The following PLEKHA4 variants were observed in gnomAD, a reference collection of about 807,000 sequenced individuals.
PLEKHA4 encodes pleckstrin homology domain containing A4, also known as pleckstrin homology domain-containing family A member 4.
A neutral mutation model predicts 94.7 loss-of-function variants in PLEKHA4; 73 were observed. The ratio of observed to expected loss-of-function variants is 0.77; its 90% confidence interval spans 0.64 to 0.94. The LOEUF is 0.94. Among genes scored for constraint, PLEKHA4 ranks in the 40% least tolerant of loss-of-function variants. The pLI, the probability that PLEKHA4 is intolerant of heterozygous loss-of-function variation, is 0.00. For synonymous variants in PLEKHA4, 449 were observed against 437.1 expected, an observed-to-expected ratio of 1.03 and a Z score of -0.34; for missense variants, 1,049 against 1,054.1, an observed-to-expected ratio of 1.00 and a Z score of 0.07.
At chr19:48,841,652 TAAAC>T (rs888943727) in intron 16 of PLEKHA4, among the ~76,000 whole-genome samples, 4 of 151,332 alleles carry the variant, frequency 2.6e-5, no homozygotes, top group African/African-American at 7.3e-5. Flanking sequence ...ATATGTTGCT[TAAAC>T]AAGGAGAGAG....
At chr19:48,851,151 A>G (rs1014241585) in intron 13 of PLEKHA4, among the ~76,000 whole-genome samples, 5 of 152,052 alleles carry the variant, frequency 3.3e-5, no homozygotes, top group African/African-American at 9.7e-5. Flanking sequence ...AAATAAAAAT[A>G]AAAAATAAAA....
chr19:48,840,052 G>A (rs1355960744), intron 17 of PLEKHA4, among the ~76,000 whole-genome samples: 2 of 151,868 alleles, frequency 1.3e-5, no homozygotes, highest in Admixed American at 6.6e-5. Flanking sequence ...GGGTCGCAGT[G>A]AGTCGAGATT....
At position 48,857,453 on chromosome 19, in the gene PLEKHA4, G is replaced by A. The variant is rs375209983; in HGVS notation, c.1016C>T (p.Pro339Leu). 4 of 1,561,950 alleles carry A rather than the reference G, an allele frequency of 2.6e-6. No individual in the cohort carries two copies. In the South Asian group the frequency reaches 3.6e-5, roughly 14 times the overall value. ...SPTYLQLPPRPPGTRASMVLL... is the reference protein window; with the variant it reads ...SPTYLQLPPRLPGTRASMVLL... ...AACCATGGAGGCCCGGGTCCCAGGG[G>A]GCCGCGGGGGGAGCTGGAGATAAGT... The change falls in exon 9 of 20, where the codon CCC (proline) becomes CTC (leucine). Residue 339 changes from proline to leucine, a missense_variant. Transcript: ENST00000263265.
At chr19:48,841,726 GGGA>G (rs1272401196) in intron 16 of PLEKHA4, among the ~76,000 whole-genome samples, 1 of 151,974 alleles carries the variant, frequency 6.6e-6, no homozygotes, top group African/African-American at 2.4e-5. Context: ...AGGCTGAGGT[GGGA>G]GGATCACTTG....
chr19:48,860,160 G>A (rs2036579812), intron 6 of PLEKHA4, 190 bp downstream of exon 6: 2 of 596,784 alleles, frequency 3.4e-6, no homozygotes, highest in Non-Finnish European at 6.0e-6. Context: ...GGTGGTGGGC[G>A]GAACTTAAGG....
chr19:48,862,131 TAAG>T (rs916582702), intron 3 of PLEKHA4, among the ~76,000 whole-genome samples: 8 of 151,190 alleles, frequency 5.3e-5, no homozygotes, highest in African/African-American at 1.2e-4. Flanking sequence ...ATGGAGTGGA[TAAG>T]AAGGAGAGCT....
chr19:48,866,825 G>T (rs890394282), intron 2 of PLEKHA4, among the ~76,000 whole-genome samples: 1 of 152,164 alleles, frequency 6.6e-6, no homozygotes, highest in Non-Finnish European at 1.5e-5. Context: ...GTGAATCAAA[G>T]GATGCCCTGG....
chr19:48,865,539 G>C lies in PLEKHA4; in HGVS notation c.156C>G (p.Asn52Lys), dbSNP rs771597009. 1 of 1,613,940 alleles carries C rather than the reference G, an allele frequency of 6.2e-7. No homozygotes were observed. Among genetic ancestry groups the C allele is most frequent in the Non-Finnish European group, 8.5e-7 (1 of 1,180,002 alleles). ...KRGNALRRDP[N>K]LPVHIRGWLH... ...GCCAGCCTCGGATGTGCACGGGAAG[G>C]TTGGGATCCCTCCTGAGCGCATTGC... Residue 52 changes from asparagine (N) to lysine (K), a missense_variant, in exon 3 of 20, where the codon AAC becomes AAG. Asn to Lys is a moderately conservative substitution (Grantham distance 94, BLOSUM62 0). Coordinates refer to ENST00000263265, the MANE Select transcript of PLEKHA4 (RefSeq NM_020904.3).
rs1395606645 is a variant in PLEKHA4, at chr19:48,847,977, G to A, written c.1489C>T (p.Pro497Ser). ...TCAGTGTGTGGGGGCGGTTTCTGGG[G>A]GCCACCCAGACCTGCCAGCGTGTCT... The part of the protein sequence containing the change: ...VEDTLAGLGG[P>S]QKPPPHTEPD... Residue 497 changes from proline to serine, a missense_variant, in exon 14 of 20, where the codon CCC becomes TCC. Transcript: ENST00000263265. The A allele has an allele frequency of 6.2e-7, 1 of 1,613,292 alleles. No homozygotes were observed. The highest frequency in any genetic ancestry group is 1.3e-5 in the African/African-American group (1 of 74,886).
intron 16 of PLEKHA4, 27 bp from the exon 17 acceptor site, chr19:48,841,337 C>T (rs1429224476): frequency 6.3e-7 from 1 of 1,577,696 alleles, no homozygotes; most frequent in Non-Finnish European, 8.6e-7. Flanking sequence ...CGTCCCAAGA[C>T]CCAACCTTTA....
chr19:48,857,501 G>C lies in PLEKHA4; in HGVS notation c.973-5C>G, dbSNP rs754907773. ...AGTGGGGGAGCCAGAGTGTGCCTGG[G>C]AGGAACGTTGAAATGGAGATGTTTA... is the stretch of plus-strand genomic sequence containing the variant. On this transcript the variant is annotated splice_polypyrimidine_tract_variant and splice_region_variant and intron_variant, in intron 8 of 19. Transcript: ENST00000263265. The C allele has an allele frequency of 6.5e-7, 1 of 1,539,480 alleles. No homozygotes were observed. Among genetic ancestry groups the C allele is most frequent in the Non-Finnish European group, 8.9e-7 (1 of 1,127,736 alleles).
At position 48,859,059 on chromosome 19, in the gene PLEKHA4, G is replaced by T. The variant is rs1443034756; in HGVS notation, c.773C>A (p.Ala258Asp). The change falls in exon 8 of 20, where the codon GCC (alanine) becomes GAC (aspartate). Residue 258 changes from alanine to aspartate, a missense_variant. Physicochemically the swap from Ala to Asp is moderately radical, Grantham distance 126. Coordinates refer to ENST00000263265, the MANE Select transcript of PLEKHA4 (RefSeq NM_020904.3). Reference protein sequence around the residue: ...PRSAPARRPPAPSGDTAPPAR... With the variant: ...PRSAPARRPPDPSGDTAPPAR... ...AGGGGGTGCTGTGTCTCCTGAGGGG[G>T]CAGGGGGTCGCCGCGCAGGGGCAGA... 14 of 1,437,106 alleles carry T rather than the reference G, an allele frequency of 9.7e-6. No homozygotes were observed. The highest frequency in any genetic ancestry group is 1.3e-5 in the Non-Finnish European group (14 of 1,066,540). The allele number at this position is 1,437,106 out of a possible 1,614,324, so 89.0% of individuals were successfully genotyped here. A position where few individuals can be genotyped will look rare whatever the true frequency, so the allele number is the denominator to read the frequency against.
intron 14 of PLEKHA4, among the ~76,000 whole-genome samples, chr19:48,847,642 G>T (rs2036015327): frequency 1.3e-5 from 2 of 152,156 alleles, no homozygotes; most frequent in Non-Finnish European, 2.9e-5. Flanking sequence ...TGAGGCAGGA[G>T]AACCACTTGA....
At position 48,841,297 on chromosome 19, in the gene PLEKHA4, C is replaced by T. The variant is rs752370095; in HGVS notation, c.1757G>A (p.Arg586Gln). ...CTGCTCCTGGGCACTCATCCGGGGC[C>T]GGGCCACCGGGGCCTAGGGAGGCGA... ...PQLGTKAPVA[R>Q]PRMSAQEQLE... The change falls in exon 17 of 20, where the codon CGG becomes CAG. Residue 586 changes from arginine to glutamine, a missense_variant. By Grantham distance (43) the Arg-to-Gln change is conservative. Transcript: ENST00000263265. The T allele has an allele frequency of 1.5e-5, 24 of 1,609,908 alleles. No homozygotes were observed. The highest frequency in any genetic ancestry group is 1.9e-5 in the Non-Finnish European group (22 of 1,178,222).
At chr19:48,861,270 G>A (rs572741712) in intron 5 of PLEKHA4, 131 bp downstream of exon 5, 1 of 824,474 alleles carries the variant, frequency 1.2e-6, no homozygotes, top group African/African-American at 1.7e-5. Context: ...ATTGACGCTT[G>A]TCAAGACCTT....
intron 8 of PLEKHA4, 124 bp downstream of exon 8, chr19:48,858,736 A>C: frequency 9.0e-7 from 1 of 1,113,800 alleles, no homozygotes; most frequent in Non-Finnish European, 1.3e-6. Context: ...ACCTGAGCCC[A>C]GCTGAGATCA....
rs138081139 is a variant in PLEKHA4 at position 48,859,623 on chromosome 19, G to C, written c.538C>G (p.Pro180Ala). 6.2e-7 allele frequency: 1 copy of C among 1,612,980 alleles called. No individual in the cohort carries two copies. Among genetic ancestry groups the C allele is most frequent in the Admixed American group, 1.7e-5 (1 of 59,858 alleles). The part of the protein sequence containing the change: ...PGEGPGGPGG[P>A]PEVSRGEEGR... ...TCTTCCCCTCTGCTCACCTCCGGGG[G>C]ACCACCGGGGCCGCCGGGGCCCTCC... The change falls in exon 7 of 20, where the codon CCC becomes GCC. Residue 180 changes from proline to alanine, a missense_variant. Physicochemically the swap from Pro to Ala is conservative, Grantham distance 27. Coordinates refer to ENST00000263265, the MANE Select transcript of PLEKHA4 (RefSeq NM_020904.3).
intron 16 of PLEKHA4, chr19:48,844,464 G>A (rs905871214): frequency 1.0e-6 from 1 of 985,120 alleles, no homozygotes; most frequent in Non-Finnish European, 1.2e-6. Context: ...CCCAAGAAGT[G>A]CTTTTAAATC....
chr19:48,864,894 A>G (rs73061643), intron 3 of PLEKHA4, among the ~76,000 whole-genome samples: 19,263 of 152,172 alleles, frequency 0.13, 1,519 homozygotes, highest in Non-Finnish European at 0.17. Flanking sequence ...CCATCCTGCG[A>G]TCTGAAATGA....
Sources: gnomAD v4.1 joint callset for allele counts (sites outside exome capture counted in the v4.1 genomes callset) on GRCh38, gnomAD v4.1.1 for gene constraint, MANE v1.5 for transcripts, NCBI Gene and HGNC (gene_info 2026-07-23, HGNC 2026-07-21) for gene names.